IL4I1: variants seen among roughly 807,000 people sequenced by gnomAD.
IL4I1 encodes L-amino-acid oxidase.
In IL4I1, 24 loss-of-function variants were observed where a neutral mutation model predicts 29.7. The ratio of observed to expected loss-of-function variants is 0.81; its 90% CI spans 0.59 to 1.14. The LOEUF (loss-of-function observed/expected upper bound fraction) is 1.14, where lower values mean the gene tolerates loss of function less well. IL4I1 is among the 50% of genes most tolerant of loss of function. The pLI is 0.00. For missense variants in IL4I1, 686 were observed against 785.6 expected (o/e 0.87, Z 1.52); for synonymous variants, 371 against 352.5 (o/e 1.05, Z -0.59).
chr19:49,926,110 G>A (rs939771622), intron 2 of IL4I1, among the ~76,000 whole-genome samples: 5 of 148,490 alleles, frequency 3.4e-5, no homozygotes, highest in African/African-American at 1.2e-4. Context: ...TCTGGAGCCT[G>A]AAGCAGGAGA....
rs1383845864 is a variant in IL4I1 at position 49,891,461 on chromosome 19, G to A, written c.580C>T (p.Leu194Phe). 1.8e-5 allele frequency: 29 copies of A among 1,614,142 alleles called. No individual in the cohort carries two copies. Among genetic ancestry groups the A allele is most frequent in the Non-Finnish European group, 2.5e-5 (29 of 1,179,998 alleles). ...QMALNQALKD[L>F]KALGCRKAMK... is the part of the protein sequence containing the mutation. ...GCCTTTCTGCAGCCCAGTGCCTTGAGGTCTTTGAGGGCCTGTTGTGGAAGA... is the reference window on the plus strand; with the variant it reads ...GCCTTTCTGCAGCCCAGTGCCTTGAAGTCTTTGAGGGCCTGTTGTGGAAGA... The change falls in exon 6 of 8, where the codon CTC (leucine) becomes TTC (phenylalanine). Residue 194 changes from leucine to phenylalanine, a missense_variant. Coordinates refer to ENST00000391826, the MANE Select transcript of IL4I1 (RefSeq NM_152899.2).
intron 2 of IL4I1, chr19:49,917,889 AG>A (rs926306921): frequency 3.3e-5 from 5 of 152,090 alleles, no homozygotes; most frequent in African/African-American, 1.2e-4. Flanking sequence ...AAAATTAGCC[AG>A]GTGTGGTGGT....
At chr19:49,901,682 T>G (rs1290754), upstream of IL4I1, 652,742 of 1,532,528 alleles carry the variant, frequency 0.43, 146,055 homozygotes, top group Middle Eastern at 0.51. Context: ...CCATGGCCTT[T>G]ATGGTTAGCC....
At chr19:49,907,533 GTT>G in intron 2 of IL4I1, 1 of 404,646 alleles carries the variant, frequency 2.5e-6, no homozygotes, top group South Asian at 1.7e-5. Context: ...TCTCCTGGGA[GTT>G]TCTTTTTTTT....
intron 2 of IL4I1, among the ~76,000 whole-genome samples, chr19:49,914,888 C>T (rs2075585417): frequency 1.3e-5 from 2 of 151,622 alleles, no homozygotes; most frequent in Admixed American, 1.3e-4. Context: ...TACAGGCGTG[C>T]ACCACCATGC....
At chr19:49,890,931 C>CCCCA in intron 7 of IL4I1, 40 bp downstream of exon 7, 1 of 402,762 alleles carries the variant, frequency 2.5e-6, no homozygotes, top group Non-Finnish European at 4.2e-6. Context: ...CCCTGATTGC[C>CCCCA]CCCCGCCCCC....
chr19:49,919,048 G>A (rs1001068468), intron 2 of IL4I1, among the ~76,000 whole-genome samples: 1 of 152,164 alleles, frequency 6.6e-6, no homozygotes, highest in South Asian at 2.1e-4. Flanking sequence ...AGCTACTCGG[G>A]AGGCTGAGGC....
intron 2 of IL4I1, among the ~76,000 whole-genome samples, chr19:49,918,966 A>G (rs1387854436): frequency 6.6e-6 from 1 of 150,522 alleles, no homozygotes; most frequent in East Asian, 2.0e-4. Context: ...CCTGACCAAC[A>G]TGGAGAAACC....
At chr19:49,902,059 G>A (rs181650649) in intron 3 of IL4I1, among the ~76,000 whole-genome samples, 50 of 152,312 alleles carry the variant, frequency 3.3e-4, no homozygotes, top group African/African-American at 9.9e-4. Context: ...GAGTGCAGTG[G>A]CACAATCTCA....
intron 2 of IL4I1, among the ~76,000 whole-genome samples, chr19:49,910,238 A>G (rs1331816427): frequency 1.3e-5 from 2 of 152,116 alleles, no homozygotes; most frequent in Non-Finnish European, 2.9e-5. Context: ...GAACAGCTGT[A>G]GGACCTGCTC....
chr19:49,900,404 G>A (rs148289110), upstream of IL4I1, among the ~76,000 whole-genome samples: 211 of 152,220 alleles, frequency 1.4e-3, 4 homozygotes, highest in East Asian at 0.024. Context: ...TCCTGCCTCA[G>A]CCTCCCCAGT....
At chr19:49,922,829 C>T (rs1415969046) in intron 2 of IL4I1, among the ~76,000 whole-genome samples, 2 of 152,112 alleles carry the variant, frequency 1.3e-5, no homozygotes, top group Admixed American at 6.5e-5. Context: ...TTCTGGGAGC[C>T]ACCCCTCCCT....
chr19:49,901,715 CA>C (rs1045107707), upstream of IL4I1: 1 of 1,529,036 alleles, frequency 6.5e-7, no homozygotes. Context: ...CATCGTTGGG[CA>C]TGTGCGGAAT....
intron 5 of IL4I1, among the ~76,000 whole-genome samples, chr19:49,892,164 C>T (rs1265498003): frequency 6.6e-6 from 1 of 150,570 alleles, no homozygotes; most frequent in African/African-American, 2.5e-5. Context: ...TCACTGAAAC[C>T]TCTGCCTCCC....
chr19:49,908,258 AAG>A, intron 2 of IL4I1: 1 of 1,613,544 alleles, frequency 6.2e-7, no homozygotes, highest in Non-Finnish European at 8.5e-7. Context: ...GGTGATCCGG[AAG>A]CTGCGCTCCT....
At chr19:49,900,698 G>A (rs191958801), upstream of IL4I1, among the ~76,000 whole-genome samples, 5 of 152,328 alleles carry the variant, frequency 3.3e-5, no homozygotes. Context: ...TGGGAGACAG[G>A]AGGGAGGGGA....
At position 49,909,354 on chromosome 19, in the gene IL4I1, C is replaced by T. The variant is rs757059101; in HGVS notation, c.-227-5033G>A. The T allele has an allele frequency of 6.2e-7, 1 of 1,613,752 alleles. No homozygotes were observed. The highest frequency in any genetic ancestry group is 8.5e-7 in the Non-Finnish European group (1 of 1,179,974). ...AATGAGAAGCCTCCAGATGTGGTAG[C>T]TGGAGCCACAGAGGTGGTGGAGGGG... On this transcript the variant is annotated intron_variant, in intron 2 of 9. Transcript: ENST00000341114.
Position 49,921,719 on chromosome 19 carries a change from A to C in IL4I1, c.-228+5975T>G, listed in dbSNP as rs1365232019. Among the ~76,000 whole-genome samples, 3 of 152,156 alleles carry C rather than the reference A, an allele frequency of 2.0e-5. No homozygotes were observed. The highest frequency in any genetic ancestry group is 7.2e-5 in the African/African-American group (3 of 41,434). On this transcript the variant is annotated intron_variant, in intron 2 of 9. Coordinates refer to the IL4I1 transcript ENST00000341114. This position sits in a 1 kb window ranked among gnomAD's most constrained non-coding sequence, Gnocchi z 5.4. Reference sequence around the variant, plus strand: ...ACCTAGGGAGCCTAGGGGTCCCGTGAGGCCCTCCCACCATGGTTCCCCGCC... The same window carrying C: ...ACCTAGGGAGCCTAGGGGTCCCGTGCGGCCCTCCCACCATGGTTCCCCGCC...
upstream of IL4I1, among the ~76,000 whole-genome samples, chr19:49,901,145 C>T (rs999527424): frequency 2.6e-5 from 4 of 152,128 alleles, no homozygotes; most frequent in Middle Eastern, 3.2e-3. Flanking sequence ...TTTGGGAGGC[C>T]GAGGTGGGCG....
Sources: allele counts gnomAD v4.1 joint callset (sites outside exome capture counted in the v4.1 genomes callset), GRCh38; gene constraint gnomAD v4.1.1; non-coding constraint Gnocchi (gnomAD v3.1); transcripts MANE v1.5; gene names NCBI Gene and HGNC (gene_info 2026-07-23, HGNC 2026-07-21).